Variants in LETMD1 observed in about 807,000 individuals in gnomAD.
LETMD1 encodes the protein LETM1 domain-containing protein 1.
LETMD1 carries 30 observed loss-of-function variants against 43.9 expected under a neutral mutation model. The observed-to-expected ratio is 0.68, with a 90% CI of 0.51 to 0.93. LETMD1 has a LOEUF of 0.93. Among genes scored for constraint, LETMD1 ranks in the 40% least tolerant of loss-of-function variants. LETMD1 has a pLI of 0.00. For missense variants in LETMD1, 413 were observed against 447.7 expected (o/e 0.92, Z 0.70); for synonymous variants, 176 against 163.1 (o/e 1.08, Z -0.60).
At chr12:51,066,448 C>T in the LETMD1 span, among the ~76,000 whole-genome samples, 3 of 134,680 alleles carry the variant, frequency 2.2e-5, no homozygotes, top group South Asian at 2.3e-4. Context: ...AGCAAGACTC[C>T]GTCTCAAAAA....
At chr12:51,048,638 C>A in intron 1 of LETMD1, 160 bp downstream of exon 1, 2 of 890,340 alleles carry the variant, frequency 2.2e-6, no homozygotes, top group Non-Finnish European at 3.3e-6. Flanking sequence ...CACTAGTGAC[C>A]CGGCTTCCTG....
Position 51,048,444 on chromosome 12 carries a change from CT to C in LETMD1, c.90del (p.Gly31ValfsTer23), listed in dbSNP as rs781319058. 6.2e-7 allele frequency: 1 copy of C among 1,614,022 alleles called. No homozygotes were observed. Among genetic ancestry groups the C allele is most frequent in the Non-Finnish European group, 8.5e-7 (1 of 1,180,012 alleles). ...ACATTTTGTCACCCGGAGGCTGCAA[CT>C]TGGTCGCTCTGGCCTGGCTTGGGGG... ...PGHFVTRRLQ[L>X]GRSGLAWGAP... On this transcript the variant is annotated frameshift_variant, in exon 1 of 9. Transcript: ENST00000262055. LOFTEE classifies it high-confidence loss of function.
chr12:51,061,760 C>G (rs937440382), downstream of LETMD1: 4 of 152,210 alleles, frequency 2.6e-5, no homozygotes, highest in African/African-American at 9.6e-5. Context: ...CATCGTGCAG[C>G]TGGAATCTAC....
upstream of LETMD1, chr12:51,048,297 A>C (rs11832162): frequency 2.5e-6 from 4 of 1,611,964 alleles, no homozygotes; most frequent in Non-Finnish European, 3.4e-6. Flanking sequence ...AACGAACGCG[A>C]CGTACGGTTA....
intron 3 of LETMD1, among the ~76,000 whole-genome samples, chr12:51,052,708 G>C (rs1946512968): frequency 1.3e-5 from 2 of 151,944 alleles, no homozygotes; most frequent in Admixed American, 1.3e-4. Context: ...TTGAACCCGG[G>C]AGGCAGAGGT....
At position 51,056,124 on chromosome 12, in the gene LETMD1, A is replaced by G. The variant is rs1947641546; in HGVS notation, c.661-20A>G. 6.2e-7 allele frequency: 1 copy of G among 1,612,236 alleles called. No homozygotes were observed. The highest frequency in any genetic ancestry group is 2.2e-5 in the East Asian group (1 of 44,882). ...AGTCAGGACTTTCCTAACATCTACAAATCTCTTACCTCTTCCAAGATACAG... is the reference window on the plus strand; with the variant it reads ...AGTCAGGACTTTCCTAACATCTACAGATCTCTTACCTCTTCCAAGATACAG... On this transcript the variant is annotated intron_variant, in intron 5 of 8. Coordinates refer to ENST00000262055, the MANE Select transcript of LETMD1 (RefSeq NM_015416.5).
chr12:51,056,449 A>T lies in LETMD1; in HGVS notation c.862A>T (p.Lys288Ter), dbSNP rs764321196. The T allele has an allele frequency of 6.2e-7, 1 of 1,614,178 alleles. No individual in the cohort carries two copies. Among genetic ancestry groups the T allele is most frequent in the Admixed American group, 1.7e-5 (1 of 60,012 alleles). ...TACAACTGTGATTCACCAACTGGAC[A>T]AGGCTTTGGCAAAGCTGGGGATTGG... ...THTTVIHQLD[K>*]ALAKLGIGQL... is the part of the protein sequence containing the mutation. Residue 288 changes from lysine (K) to a stop codon, truncating the protein, a stop_gained, in exon 7 of 9, where the codon AAG (lysine) becomes TAG (stop). Transcript: ENST00000262055. LOFTEE classifies it high-confidence loss of function.
rs760549972 is a variant in LETMD1, at chr12:51,056,344, T to G, written c.763-6T>G. On this transcript the variant is annotated splice_polypyrimidine_tract_variant and splice_region_variant and intron_variant, in intron 6 of 8. Coordinates refer to ENST00000262055, the MANE Select transcript of LETMD1 (RefSeq NM_015416.5). ...GCCTTTCCCCTCCTATGTGGTTGTGTTACAGAAAGCCTTGAGCCGGGCCAT... is the reference window on the plus strand; with the variant it reads ...GCCTTTCCCCTCCTATGTGGTTGTGGTACAGAAAGCCTTGAGCCGGGCCAT... 1.2e-6 allele frequency: 2 copies of G among 1,614,162 alleles called. No homozygotes were observed. Among genetic ancestry groups the G allele is most frequent in the South Asian group, 2.2e-5 (2 of 91,074 alleles).
chr12:51,063,402 A>C (rs980401482), downstream of LETMD1: 1 of 166,798 alleles, frequency 6.0e-6, no homozygotes, highest in Non-Finnish European at 1.3e-5. Flanking sequence ...CATGCTCTTC[A>C]AATTCTCGTG....
At chr12:51,053,027 G>C (rs1038344335) in intron 3 of LETMD1, among the ~76,000 whole-genome samples, 8 of 151,294 alleles carry the variant, frequency 5.3e-5, no homozygotes, top group Non-Finnish European at 7.4e-5. Flanking sequence ...CAGGAGAATT[G>C]CTTGAACCTG....
chr12:51,050,658 AG>A (rs1382170110), intron 2 of LETMD1, among the ~76,000 whole-genome samples: 4 of 152,298 alleles, frequency 2.6e-5, no homozygotes, highest in African/African-American at 9.6e-5. Flanking sequence ...ATTATTTTGA[AG>A]ACAATCGAGA....
intron 1 of LETMD1, 46 bp from the exon 2 acceptor site, chr12:51,048,988 G>A: frequency 1.3e-6 from 2 of 1,555,536 alleles, no homozygotes; most frequent in Non-Finnish European, 1.7e-6. Context: ...GCGTGAGGGA[G>A]CTTCTAGGAC....
chr12:51,064,733 A>C, downstream of LETMD1: 1 of 1,391,320 alleles, frequency 7.2e-7, no homozygotes, highest in Non-Finnish European at 9.5e-7. Context: ...GAGACAGGAG[A>C]CATGAGCTGG....
intron 2 of LETMD1, among the ~76,000 whole-genome samples, chr12:51,050,623 TC>T (rs909574668): frequency 1.6e-4 from 24 of 152,142 alleles, no homozygotes; most frequent in African/African-American, 5.6e-4. Context: ...TGGCTGCCAA[TC>T]CTATTTATAT....
At chr12:51,050,316 G>A (rs555092287) in intron 2 of LETMD1, among the ~76,000 whole-genome samples, 54 of 150,850 alleles carry the variant, frequency 3.6e-4, no homozygotes, top group African/African-American at 1.2e-3. Context: ...TCTGCTTCCC[G>A]GATTCAAGCA....
chr12:51,050,510 C>T (rs913789113), intron 2 of LETMD1, among the ~76,000 whole-genome samples: 2 of 151,738 alleles, frequency 1.3e-5, no homozygotes, highest in African/African-American at 2.4e-5. Flanking sequence ...CTTGAGCCAC[C>T]GCGCCCGGCC....
At chr12:51,055,091 C>G (rs1947263218) in intron 4 of LETMD1, among the ~76,000 whole-genome samples, 1 of 151,706 alleles carries the variant, frequency 6.6e-6, no homozygotes, top group East Asian at 1.9e-4. Flanking sequence ...CAGAGCGAGA[C>G]TCTGTCTCAA....
At chr12:51,050,033 T>G (rs1182117872) in intron 2 of LETMD1, among the ~76,000 whole-genome samples, 1 of 152,240 alleles carries the variant, frequency 6.6e-6, no homozygotes, top group East Asian at 1.9e-4. Flanking sequence ...TATGCTTTTA[T>G]CATAACACTA....
In LETMD1 at chr12:51,058,282, C is replaced by T. The variant is rs564462614; in HGVS notation, c.1012+154C>T. The T allele has an allele frequency of 9.5e-4, 594 of 627,434 alleles. 4 individuals carry two copies. The African/African-American group carries it at 9.8e-3, about 10-fold the overall frequency. 38.9% of individuals were successfully genotyped at this position (627,434 alleles called of 1,614,324 possible). ...CAAACTCACATGCCTACTGCATGCC[C>T]GGCAGGTAACGAAGTAGGCCATAAG... On this transcript the variant is annotated intron_variant, in intron 8 of 8. Coordinates refer to ENST00000262055, the MANE Select transcript of LETMD1 (RefSeq NM_015416.5).
Sources: allele counts gnomAD v4.1 joint callset (sites outside exome capture counted in the v4.1 genomes callset), GRCh38; gene constraint gnomAD v4.1.1; transcripts MANE v1.5; gene names NCBI Gene and HGNC (gene_info 2026-07-23, HGNC 2026-07-21).